Variants in CACNB2 observed in about 807,000 individuals in gnomAD.
CACNB2 encodes the protein calcium voltage-gated channel auxiliary subunit beta 2, also known as voltage-dependent L-type calcium channel subunit beta-2.
CACNB2 carries 42 observed loss-of-function variants against 73.3 expected under a neutral mutation model. The observed-to-expected ratio is 0.57, with a 90% CI of 0.45 to 0.74. The LOEUF (loss-of-function observed/expected upper bound fraction) is 0.74. Ranked by LOEUF, CACNB2 falls within the 30% of genes least tolerant of loss-of-function variation. The pLI, the probability that CACNB2 is intolerant of heterozygous loss-of-function variation, is 0.00. For missense variants in CACNB2, 940 were observed against 853.0 expected, an observed-to-expected ratio of 1.10 and a Z score of -1.27; for synonymous variants, 348 against 310.3, an observed-to-expected ratio of 1.12 and a Z score of -1.28.
chr10:18,412,827 T>C (rs1396241240), intron 3 of CACNB2, among the ~76,000 whole-genome samples: 3 of 152,246 alleles, frequency 2.0e-5, no homozygotes, highest in African/African-American at 7.2e-5. Context: ...GACTGAGCTC[T>C]GTAGAGCCCC....
chr10:18,481,147 A>C (rs7921738), intron 3 of CACNB2, among the ~76,000 whole-genome samples: 55,461 of 133,820 alleles, frequency 0.41, 12,031 homozygotes, highest in East Asian at 0.53. Context: ...AGTGCAGAAA[A>C]TCTTTGACCA....
intron 2 of CACNB2, among the ~76,000 whole-genome samples, chr10:18,250,379 T>C (rs1201127693): frequency 6.6e-6 from 1 of 152,234 alleles, no homozygotes; most frequent in Non-Finnish European, 1.5e-5. Flanking sequence ...TACTGTCCTT[T>C]CTGTGGGCAA....
In CACNB2 at chr10:18,413,017, CT is replaced by C. The variant is rs751761204; in HGVS notation, c.333+10975del. Among the ~76,000 whole-genome samples the C allele has an allele frequency of 9.1e-4, 139 of 152,308 alleles. 1 individual carries two copies. Among genetic ancestry groups the C allele is most frequent in the Non-Finnish European group, 4.9e-4 (33 of 68,030 alleles). On this transcript the variant is annotated intron_variant, in intron 3 of 13. Coordinates refer to ENST00000324631, the MANE Select transcript of CACNB2 (RefSeq NM_201596.3). ...TGGAGTTTTACTCTTATTACCCAGG[CT>C]AGATTGCAGTGGCACGATCTTAGCT...
At chr10:18,511,191 T>G (rs2050758148) in intron 6 of CACNB2, among the ~76,000 whole-genome samples, 1 of 152,188 alleles carries the variant, frequency 6.6e-6, no homozygotes, top group Non-Finnish European at 1.5e-5. Context: ...CTATATTAGG[T>G]CTACGTAATT....
intron 3 of CACNB2, among the ~76,000 whole-genome samples, chr10:18,471,436 A>C (rs1367374592): frequency 6.6e-6 from 1 of 152,246 alleles, no homozygotes; most frequent in African/African-American, 2.4e-5. Flanking sequence ...ACAGAATGTA[A>C]TTAAGATATT....
intron 2 of CACNB2, among the ~76,000 whole-genome samples, chr10:18,251,684 A>G (rs931513557): frequency 1.3e-5 from 2 of 152,222 alleles, no homozygotes; most frequent in African/African-American, 4.8e-5. Context: ...GCTATACAGG[A>G]GGCATGGCTG....
intron 2 of CACNB2, among the ~76,000 whole-genome samples, chr10:18,188,442 GA>G (rs1468747996): frequency 2.6e-5 from 4 of 151,920 alleles, no homozygotes; most frequent in Non-Finnish European, 5.9e-5. Context: ...AAGTGCCTAG[GA>G]CTAGAGGTAC....
At chr10:18,401,804 T>C (rs1191323624) in intron 2 of CACNB2, 120 bp from the exon 3 acceptor site, 1 of 983,208 alleles carries the variant, frequency 1.0e-6, no homozygotes, top group African/African-American at 1.6e-5. Flanking sequence ...ATGAATTATT[T>C]TCTCCTCTTT....
intron 6 of CACNB2, among the ~76,000 whole-genome samples, chr10:18,512,768 G>A (rs751523413): frequency 2.0e-5 from 3 of 152,138 alleles, no homozygotes; most frequent in Non-Finnish European, 4.4e-5. Context: ...CATCCTGCTG[G>A]TTGTGGAAGA....
At chr10:18,343,554 A>G (rs1292293898) in intron 2 of CACNB2, among the ~76,000 whole-genome samples, 2 of 152,206 alleles carry the variant, frequency 1.3e-5, no homozygotes, top group South Asian at 2.1e-4. Context: ...TGCATAGAAT[A>G]TAATTATATG....
At chr10:18,501,609 G>A (rs568405231) in intron 5 of CACNB2, among the ~76,000 whole-genome samples, 28 of 152,354 alleles carry the variant, frequency 1.8e-4, no homozygotes, top group Non-Finnish European at 2.8e-4. Flanking sequence ...CCATGGAATC[G>A]TATGCAGACG....
chr10:18,237,933 T>C (rs776123805), intron 2 of CACNB2, among the ~76,000 whole-genome samples: 1 of 152,202 alleles, frequency 6.6e-6, no homozygotes, highest in Non-Finnish European at 1.5e-5. Flanking sequence ...ACTGAGGGTT[T>C]CATGGCTGAA....
At chr10:18,233,287 G>C (rs73597541) in intron 2 of CACNB2, among the ~76,000 whole-genome samples, 2 of 152,198 alleles carry the variant, frequency 1.3e-5, no homozygotes, top group South Asian at 4.2e-4. Context: ...CTGCTCTACA[G>C]TTTATGCTTG....
At chr10:18,203,625 G>C (rs1240192807) in intron 2 of CACNB2, among the ~76,000 whole-genome samples, 2 of 152,226 alleles carry the variant, frequency 1.3e-5, no homozygotes, top group East Asian at 3.9e-4. Flanking sequence ...TATACATAGA[G>C]AAACATAACG....
chr10:18,286,548 A>G (rs1341338291), intron 2 of CACNB2, among the ~76,000 whole-genome samples: 1 of 147,252 alleles, frequency 6.8e-6, no homozygotes, highest in Non-Finnish European at 1.5e-5. Flanking sequence ...AAAAAAAAAA[A>G]AAAGGAACAT....
intron 2 of CACNB2, among the ~76,000 whole-genome samples, chr10:18,274,309 C>T (rs2038184289): frequency 6.6e-6 from 1 of 152,164 alleles, no homozygotes; most frequent in East Asian, 1.9e-4. Flanking sequence ...CTGTAAGTAA[C>T]TATCAGCACC....
At chr10:18,524,766 T>C (rs1206112041) in intron 9 of CACNB2, among the ~76,000 whole-genome samples, 1 of 151,330 alleles carries the variant, frequency 6.6e-6, no homozygotes. Flanking sequence ...AGTTCACACC[T>C]GTAATCCCAG....
At chr10:18,282,818 A>G (rs759441091) in intron 2 of CACNB2, among the ~76,000 whole-genome samples, 1 of 152,194 alleles carries the variant, frequency 6.6e-6, no homozygotes, top group Non-Finnish European at 1.5e-5. Context: ...GAGGTTGTTG[A>G]CAAATGGGAT....
intron 3 of CACNB2, among the ~76,000 whole-genome samples, chr10:18,436,053 C>G (rs1055823481): frequency 6.6e-6 from 1 of 152,114 alleles, no homozygotes; most frequent in African/African-American, 2.4e-5. Context: ...ATAAGTTTAA[C>G]AAAAGGAGAA....
Sources: allele counts gnomAD v4.1 joint callset (sites outside exome capture counted in the v4.1 genomes callset), GRCh38; gene constraint gnomAD v4.1.1; transcripts MANE v1.5; gene names NCBI Gene and HGNC (gene_info 2026-07-23, HGNC 2026-07-21).